Variants in SMARCA4 observed in about 807,000 individuals in gnomAD.
SMARCA4 encodes the protein SWI/SNF-related matrix-associated actin-dependent regulator of chromatin subfamily A member 4.
Under a neutral mutation model 193.9 loss-of-function variants are expected in SMARCA4, and 31 were observed. The observed-to-expected ratio is 0.16, with a 90% CI of 0.12 to 0.22. The LOEUF is 0.22. Ranked by LOEUF, SMARCA4 falls within the 10% of genes least tolerant of loss-of-function variation. The pLI is 1.00. For synonymous variants in SMARCA4, 942 were observed against 933.1 expected, an observed-to-expected ratio of 1.01 and a Z score of -0.17; for missense variants, 1,148 against 2,296.0, an observed-to-expected ratio of 0.50 and a Z score of 10.22.
intron 30 of SMARCA4, among the ~76,000 whole-genome samples, chr19:11,051,491 C>CT (rs554212827): frequency 0.084 from 11,212 of 133,496 alleles, 869 homozygotes; most frequent in African/African-American, 0.19. Flanking sequence ...GACATATTTC[C>CT]TTTTTTTTTT....
intron 16 of SMARCA4, among the ~76,000 whole-genome samples, chr19:11,014,817 A>AT (rs759903587): frequency 4.1e-4 from 62 of 151,056 alleles, no homozygotes; most frequent in East Asian, 9.7e-4. Flanking sequence ...ATTTATTTTT[A>AT]TTTTTTTTTA....
intron 1 of SMARCA4, among the ~76,000 whole-genome samples, chr19:10,970,192 G>A (rs1424656424): frequency 6.6e-6 from 1 of 152,110 alleles, no homozygotes; most frequent in Non-Finnish European, 1.5e-5. Context: ...ATGTACGGAG[G>A]GGCCATTGAA....
intron 20 of SMARCA4, among the ~76,000 whole-genome samples, chr19:11,023,972 CCTG>C (rs2090061256): frequency 6.6e-6 from 1 of 152,226 alleles, no homozygotes; most frequent in African/African-American, 2.4e-5. Context: ...GTTTTCAAGG[CCTG>C]CTGCAGCCAC....
Position 11,034,105 on chromosome 19 carries a change from C to G in SMARCA4, c.3874-18C>G, listed in dbSNP as rs376294290. On this transcript the variant is annotated intron_variant, in intron 27 of 34. Coordinates refer to ENST00000344626, the MANE Select transcript of SMARCA4 (RefSeq NM_003072.5). The surrounding 1 kb of genome is among the most constrained non-coding windows in gnomAD (Gnocchi z 7.0). The stretch of plus-strand genomic sequence containing the variant: ...CCCGGCCCCTCCTCAGCGGCACTGA[C>G]AGTTTGCAATCTTATAGGAGGAAGA... The G allele has an allele frequency of 6.2e-7, 1 of 1,607,374 alleles. No individual in the cohort carries two copies.
rs1600644669 is a variant in SMARCA4 at position 11,059,857 on chromosome 19, G to A, written c.4740G>A (p.Glu1580=). Residue 1580 remains glutamate, a synonymous_variant, in exon 33 of 35, where the codon GAG becomes GAA. Transcript: ENST00000344626. ...GCGAGGAGAGTGAGGAGGAGGAAGAGGGCGAGGAGGAAGGCTCCGAATCCG... is the reference window on the plus strand; with the variant it reads ...GCGAGGAGAGTGAGGAGGAGGAAGAAGGCGAGGAGGAAGGCTCCGAATCCG... ...SEGEESEEEE[E]GEEEGSESES... 6.2e-7 allele frequency: 1 copy of A among 1,613,986 alleles called. No individual in the cohort carries two copies. Among genetic ancestry groups the A allele is most frequent in the Non-Finnish European group, 8.5e-7 (1 of 1,179,972 alleles).
chr19:11,010,590 G>T, intron 15 of SMARCA4, 59 bp downstream of exon 15: 1 of 1,560,576 alleles, frequency 6.4e-7, no homozygotes, highest in Non-Finnish European at 8.8e-7. Flanking sequence ...GGTGTTCCCA[G>T]GTGGTGCGGG....
At chr19:11,022,208 A>G (rs1189143205) in intron 19 of SMARCA4, among the ~76,000 whole-genome samples, 2 of 152,284 alleles carry the variant, frequency 1.3e-5, no homozygotes, top group Non-Finnish European at 2.9e-5. Flanking sequence ...CTCTGACCCT[A>G]TGCTCCAGGT....
chr19:11,023,719 C>T, intron 20 of SMARCA4, 88 bp downstream of exon 20: 1 of 803,182 alleles, frequency 1.2e-6, no homozygotes, highest in Non-Finnish European at 2.1e-6. Flanking sequence ...CCTCTCCCCA[C>T]AGTCCCAGGC....
At chr19:11,018,891 A>C in intron 16 of SMARCA4, 66 bp from the exon 17 acceptor site, 2 of 1,335,952 alleles carry the variant, frequency 1.5e-6, no homozygotes, top group Non-Finnish European at 2.2e-6. Flanking sequence ...GCCAGTGGCT[A>C]TGGGTTTGCA....
chr19:11,018,792 T>C, intron 16 of SMARCA4, 165 bp from the exon 17 acceptor site: 1 of 748,434 alleles, frequency 1.3e-6, no homozygotes, highest in East Asian at 2.5e-5. Context: ...CTCGCCAGTC[T>C]CTCTTCCTCC....
intron 30 of SMARCA4, among the ~76,000 whole-genome samples, chr19:11,043,445 A>G (rs2075732369): frequency 6.6e-6 from 1 of 152,214 alleles, no homozygotes; most frequent in Admixed American, 6.5e-5. Context: ...ACCTAACTCC[A>G]AGGCTAAGTC....
intron 16 of SMARCA4, 146 bp downstream of exon 16, chr19:11,013,258 G>A: frequency 4.5e-6 from 4 of 879,392 alleles, no homozygotes; most frequent in South Asian, 4.3e-5. Context: ...CAGGGTCAAG[G>A]TGTAGCAGGT....
chr19:11,021,621 C>A, intron 18 of SMARCA4, 104 bp from the exon 19 acceptor site: 1 of 1,427,332 alleles, frequency 7.0e-7, no homozygotes, highest in Non-Finnish European at 9.6e-7. Context: ...CTGCGCTCTT[C>A]CACCTGGAGC....
At chr19:10,969,575 CAT>C in intron 1 of SMARCA4, among the ~76,000 whole-genome samples, 1 of 152,022 alleles carries the variant, frequency 6.6e-6, no homozygotes, top group African/African-American at 2.4e-5. Flanking sequence ...GGATTACAGG[CAT>C]GCACCACCAC....
chr19:11,054,239 C>T (rs2076418037), intron 30 of SMARCA4, among the ~76,000 whole-genome samples: 1 of 152,244 alleles, frequency 6.6e-6, no homozygotes, highest in Non-Finnish European at 1.5e-5. Context: ...TGAGTGTCCA[C>T]AGACACTTGC....
chr19:11,001,644 G>A (rs1306380897), intron 11 of SMARCA4, among the ~76,000 whole-genome samples: 1 of 151,288 alleles, frequency 6.6e-6, no homozygotes, highest in South Asian at 2.1e-4. Context: ...CCATTGTTGG[G>A]GTAAGAGGTT....
Position 11,024,452 on chromosome 19 carries a change from T to A in SMARCA4, c.3081+14T>A, listed in dbSNP as rs2146476758. The A allele has an allele frequency of 6.4e-7, 1 of 1,557,280 alleles. No individual in the cohort carries two copies. The highest frequency in any genetic ancestry group is 1.7e-5 in the Admixed American group (1 of 59,884). On this transcript the variant is annotated intron_variant, in intron 21 of 34. Transcript: ENST00000344626. Reference sequence around the variant, plus strand: ...AAGGACAAGAAGGTGGGCCCCAGAGTCCCCCAACTGCATTCCCCACTGGGT... The same window carrying A: ...AAGGACAAGAAGGTGGGCCCCAGAGACCCCCAACTGCATTCCCCACTGGGT...
intron 8 of SMARCA4, among the ~76,000 whole-genome samples, chr19:10,993,806 C>T (rs572243830): frequency 7.3e-5 from 11 of 151,294 alleles, no homozygotes; most frequent in African/African-American, 1.9e-4. Context: ...CCACCACGCC[C>T]GGCTAATTTT....
intron 30 of SMARCA4, among the ~76,000 whole-genome samples, chr19:11,051,073 A>G (rs1184481929): frequency 6.6e-6 from 1 of 152,206 alleles, no homozygotes; most frequent in African/African-American, 2.4e-5. Flanking sequence ...TCATGGATGG[A>G]GTTGCCCACG....
Sources: allele counts gnomAD v4.1 joint callset (sites outside exome capture counted in the v4.1 genomes callset), GRCh38; gene constraint gnomAD v4.1.1; non-coding constraint Gnocchi (gnomAD v3.1); transcripts MANE v1.5; gene names NCBI Gene and HGNC (gene_info 2026-07-23, HGNC 2026-07-21).